TSPAN18: variants seen among roughly 807,000 people sequenced by gnomAD.
TSPAN18 encodes tetraspanin 18, also known as tetraspanin-18.
A neutral mutation model predicts 27.3 loss-of-function variants in TSPAN18; 14 were observed. The ratio of observed to expected loss-of-function variants is 0.51; its 90% CI spans 0.34 to 0.80. The LOEUF (loss-of-function observed/expected upper bound fraction) is 0.80, where lower values mean the gene tolerates loss of function less well. TSPAN18 is among the 30% of genes least tolerant of loss of function. The pLI, the probability that TSPAN18 is intolerant of heterozygous loss-of-function variation, is 0.01. For missense variants in TSPAN18, 268 were observed against 323.9 expected (o/e 0.83, Z 1.32); for synonymous variants, 143 against 136.5 (o/e 1.05, Z -0.33).
intron 2 of TSPAN18, among the ~76,000 whole-genome samples, chr11:44,850,235 G>A (rs1052659768): frequency 6.6e-6 from 1 of 152,116 alleles, no homozygotes; most frequent in Non-Finnish European, 1.5e-5. Context: ...CCTACATATC[G>A]AGTGATATGT....
intron 3 of TSPAN18, among the ~76,000 whole-genome samples, chr11:44,899,858 G>A (rs180726371): frequency 6.6e-6 from 1 of 152,312 alleles, no homozygotes; most frequent in Admixed American, 6.5e-5. Flanking sequence ...CTTTAGCTCA[G>A]GGAAATTGGG....
In TSPAN18 at chr11:44,918,294, T is replaced by C. The variant is rs182505582; in HGVS notation, c.333+248T>C. Among the ~76,000 whole-genome samples the C allele has an allele frequency of 6.6e-5, 10 of 152,328 alleles. No individual in the cohort carries two copies. The East Asian group carries it at 1.5e-3, about 24-fold the overall frequency. On this transcript the variant is annotated intron_variant, in intron 6 of 9. Coordinates refer to ENST00000520358, the MANE Select transcript of TSPAN18 (RefSeq NM_130783.5). ...GCATCTGGTACAACCCCATACCTTA[T>C]TCTGGAAACATCCCTTCCAAACCTT...
At chr11:44,730,176 C>G (rs1337953552) in intron 1 of TSPAN18, among the ~76,000 whole-genome samples, 1 of 152,092 alleles carries the variant, frequency 6.6e-6, no homozygotes, top group African/African-American at 2.4e-5. Flanking sequence ...CTTCAGAAAC[C>G]AGCTCCTGCC....
At chr11:44,745,887 C>T (rs572169382) in intron 1 of TSPAN18, among the ~76,000 whole-genome samples, 23 of 152,210 alleles carry the variant, frequency 1.5e-4, no homozygotes, top group African/African-American at 3.9e-4. Context: ...ATTAGCCGGG[C>T]GTGGTTGCAG....
At chr11:44,877,956 A>G (rs1399285820) in intron 3 of TSPAN18, among the ~76,000 whole-genome samples, 2 of 151,186 alleles carry the variant, frequency 1.3e-5, no homozygotes. Flanking sequence ...GCACATACCC[A>G]CTCACCACCA....
chr11:44,802,276 A>G (rs1856497097), intron 2 of TSPAN18, among the ~76,000 whole-genome samples: 1 of 146,086 alleles, frequency 6.8e-6, no homozygotes, highest in Admixed American at 6.9e-5. Context: ...AGGCTCTGAG[A>G]TGGGTTCTGG....
intron 2 of TSPAN18, among the ~76,000 whole-genome samples, chr11:44,792,445 T>C (rs1590477184): frequency 6.6e-6 from 1 of 151,912 alleles, no homozygotes. Flanking sequence ...CCAGGGAAGG[T>C]CATGAGGGGC....
chr11:44,801,539 C>T (rs1443110263), intron 2 of TSPAN18, among the ~76,000 whole-genome samples: 1 of 152,100 alleles, frequency 6.6e-6, no homozygotes, highest in Admixed American at 6.5e-5. Flanking sequence ...ACACTAGTTT[C>T]AAGGAGTTGG....
chr11:44,923,987 C>T (rs1317041726), intron 8 of TSPAN18, among the ~76,000 whole-genome samples: 2 of 152,154 alleles, frequency 1.3e-5, no homozygotes, highest in African/African-American at 4.8e-5. Context: ...CTCAGCTTCC[C>T]TCTGCTGGAC....
chr11:44,904,936 G>C (rs1436144865), intron 3 of TSPAN18, among the ~76,000 whole-genome samples: 1 of 152,158 alleles, frequency 6.6e-6, no homozygotes, highest in African/African-American at 2.4e-5. Context: ...GCTGATGGAA[G>C]GATGTGTGGT....
chr11:44,779,987 C>T (rs1044514047), intron 2 of TSPAN18, among the ~76,000 whole-genome samples: 5 of 152,236 alleles, frequency 3.3e-5, no homozygotes, highest in Non-Finnish European at 4.4e-5. Flanking sequence ...TTGCACATAC[C>T]TGCACACACC....
chr11:44,776,963 A>G (rs1044276041), intron 2 of TSPAN18, among the ~76,000 whole-genome samples: 1 of 152,068 alleles, frequency 6.6e-6, no homozygotes, highest in Non-Finnish European at 1.5e-5. Flanking sequence ...TGGGGAGGAG[A>G]AAGATACCCC....
intron 1 of TSPAN18, among the ~76,000 whole-genome samples, chr11:44,740,667 T>A (rs1854912190): frequency 6.6e-6 from 1 of 152,190 alleles, no homozygotes; most frequent in Non-Finnish European, 1.5e-5. Flanking sequence ...TCCTAGCCTG[T>A]GAATTTCTGT....
intron 3 of TSPAN18, among the ~76,000 whole-genome samples, chr11:44,882,990 A>G (rs909567901): frequency 6.6e-6 from 1 of 152,088 alleles, no homozygotes; most frequent in Non-Finnish European, 1.5e-5. Flanking sequence ...TGGAGGCACC[A>G]TTGCTGTCTG....
intron 3 of TSPAN18, among the ~76,000 whole-genome samples, chr11:44,887,834 C>T (rs1470820485): frequency 6.6e-6 from 1 of 152,204 alleles, no homozygotes; most frequent in Non-Finnish European, 1.5e-5. Flanking sequence ...TGGCTCAGAA[C>T]TGTGCCCTTT....
rs757450206 is a variant in TSPAN18, at chr11:44,908,766, AAGG to A, written c.64-936_64-934del. On this transcript the variant is annotated intron_variant, in intron 4 of 9. Transcript: ENST00000520358. ...AGAAAGAGAGAGAGAGAGAGAGAGAAAGGAGAAAGAAAGAAAGAAAGAAAGAAA... is the reference window on the plus strand; with the variant it reads ...AGAAAGAGAGAGAGAGAGAGAGAGAAAGAAAGAAAGAAAGAAAGAAAGAAA... Among the ~76,000 whole-genome samples, 205 of 66,128 alleles carry A rather than the reference AAGG, an allele frequency of 3.1e-3. 2 individuals carry two copies. Among genetic ancestry groups the A allele is most frequent in the Middle Eastern group, 5.6e-3 (1 of 180 alleles). The allele number at this position is 66,128 out of a possible 152,430, so 43.4% of individuals were successfully genotyped here. A position where few individuals can be genotyped will look rare whatever the true frequency, so the allele number is the denominator to read the frequency against.
intron 2 of TSPAN18, among the ~76,000 whole-genome samples, chr11:44,779,459 G>A (rs1379987243): frequency 6.6e-6 from 1 of 152,188 alleles, no homozygotes; most frequent in African/African-American, 2.4e-5. Context: ...AGACCCTGGA[G>A]AAGGTTAATG....
At chr11:44,866,394 C>T (rs538087549) in intron 3 of TSPAN18, among the ~76,000 whole-genome samples, 21 of 152,256 alleles carry the variant, frequency 1.4e-4, no homozygotes, top group African/African-American at 3.4e-4. Flanking sequence ...TTATGTGATC[C>T]GAAACATTTG....
intron 8 of TSPAN18, among the ~76,000 whole-genome samples, chr11:44,921,387 A>T (rs1006527516): frequency 6.6e-6 from 1 of 151,988 alleles, no homozygotes; most frequent in East Asian, 1.9e-4. Context: ...CCCACGATCC[A>T]TTCACCCCTA....
Sources: allele counts gnomAD v4.1 joint callset (sites outside exome capture counted in the v4.1 genomes callset), GRCh38; gene constraint gnomAD v4.1.1; transcripts MANE v1.5; gene names NCBI Gene and HGNC (gene_info 2026-07-23, HGNC 2026-07-21).